The following RABGAP1L variants were observed in gnomAD, a reference collection of about 807,000 sequenced individuals.
RABGAP1L encodes RAB GTPase activating protein 1 like.
Under a neutral mutation model 137.7 loss-of-function variants are expected in RABGAP1L, and 63 were observed. That is an observed-to-expected ratio of 0.46 (90% CI 0.37 to 0.56). The LOEUF is 0.56. RABGAP1L is among the 20% of genes least tolerant of loss of function. The pLI is 0.00. For missense variants in RABGAP1L, 1,095 were observed against 1,244.0 expected (o/e 0.88, Z 1.80); for synonymous variants, 431 against 433.7 (o/e 0.99, Z 0.08).
At chr1:174,749,199 A>G (rs1684136596) in intron 17 of RABGAP1L, among the ~76,000 whole-genome samples, 1 of 152,078 alleles carries the variant, frequency 6.6e-6, no homozygotes, top group African/African-American at 2.4e-5. Context: ...AGAAAAAAGA[A>G]AAGACATCAG....
intron 18 of RABGAP1L, among the ~76,000 whole-genome samples, chr1:174,765,929 TC>T (rs1558057320): frequency 1.3e-5 from 2 of 152,144 alleles, no homozygotes. Flanking sequence ...GAATCGTGTT[TC>T]CCCCCTACCC....
At chr1:174,824,015 C>T (rs1691311963) in intron 19 of RABGAP1L, among the ~76,000 whole-genome samples, 2 of 152,042 alleles carry the variant, frequency 1.3e-5, no homozygotes, top group Admixed American at 6.6e-5. Flanking sequence ...TTAGGCCAGG[C>T]GCAGTGGCTC....
chr1:174,519,773 T>C (rs1233955545), intron 13 of RABGAP1L, among the ~76,000 whole-genome samples: 1 of 152,218 alleles, frequency 6.6e-6, no homozygotes, highest in African/African-American at 2.4e-5. Flanking sequence ...GTGCGTAGGT[T>C]CTTTACATTT....
intron 12 of RABGAP1L, among the ~76,000 whole-genome samples, chr1:174,388,455 T>G (rs561804229): frequency 1.3e-5 from 2 of 151,656 alleles, no homozygotes; most frequent in Non-Finnish European, 3.0e-5. Flanking sequence ...TTGAAATAAC[T>G]ACATGAAAAA....
At chr1:174,283,451 G>C (rs2148694415) in intron 10 of RABGAP1L, among the ~76,000 whole-genome samples, 1 of 151,650 alleles carries the variant, frequency 6.6e-6, no homozygotes, top group East Asian at 1.9e-4. Flanking sequence ...CCCAGATTTT[G>C]ACTGAGAATG....
intron 19 of RABGAP1L, among the ~76,000 whole-genome samples, chr1:174,851,191 A>G (rs1648266528): frequency 6.6e-6 from 1 of 152,212 alleles, no homozygotes; most frequent in Admixed American, 6.5e-5. Context: ...AATATGTTAT[A>G]TAGGAGTAGA....
intron 19 of RABGAP1L, among the ~76,000 whole-genome samples, chr1:174,887,446 C>CTGGTAA (rs1181346813): frequency 2.0e-5 from 3 of 152,128 alleles, no homozygotes; most frequent in Non-Finnish European, 4.4e-5. Flanking sequence ...CAGTCTTTTA[C>CTGGTAA]CATTATTCAT....
At chr1:174,374,624 A>C (rs1209126914) in intron 12 of RABGAP1L, among the ~76,000 whole-genome samples, 1 of 152,216 alleles carries the variant, frequency 6.6e-6, no homozygotes, top group Non-Finnish European at 1.5e-5. Context: ...ACTTGATAAG[A>C]TCTATCGGAG....
intron 9 of RABGAP1L, among the ~76,000 whole-genome samples, chr1:174,277,921 T>C (rs773603366): frequency 9.2e-5 from 14 of 152,214 alleles, no homozygotes; most frequent in Non-Finnish European, 1.8e-4. Context: ...TGAGAAGTAG[T>C]TGATGAATCT....
rs1476182703 is a variant in RABGAP1L, at chr1:174,551,017, T to TACAC, written c.1711-86357_1711-86356insCACA. ...ATATACACATATATATATATATATA[T>TACAC]ATATACATACACACACACACATATA... On this transcript the variant is annotated intron_variant, in intron 13 of 25. Coordinates refer to ENST00000681986, the MANE Select transcript of RABGAP1L (RefSeq NM_001366446.1). Among the ~76,000 whole-genome samples, 76 of 114,180 alleles carry TACAC rather than the reference T, an allele frequency of 6.7e-4. 1 individual carries two copies. The Middle Eastern group carries it at 0.014, about 21-fold the overall frequency. The allele number at this position is 114,180 out of a possible 152,430, so 74.9% of individuals were successfully genotyped here.
chr1:174,515,731 T>A (rs1662765333), intron 13 of RABGAP1L, among the ~76,000 whole-genome samples: 1 of 152,192 alleles, frequency 6.6e-6, no homozygotes, highest in Non-Finnish European at 1.5e-5. Flanking sequence ...GGTATTGAAG[T>A]GCTCTCTGCA....
At chr1:174,166,036 T>C (rs952633984) in intron 1 of RABGAP1L, among the ~76,000 whole-genome samples, 2 of 152,226 alleles carry the variant, frequency 1.3e-5, no homozygotes, top group African/African-American at 2.4e-5. Context: ...TTTTTGACTC[T>C]GGAGTAATCT....
chr1:174,352,101 C>G (rs183862262), intron 11 of RABGAP1L, among the ~76,000 whole-genome samples: 3 of 152,296 alleles, frequency 2.0e-5, no homozygotes, highest in Non-Finnish European at 2.9e-5. Flanking sequence ...AGCCACCACG[C>G]CCGGCCGGGA....
chr1:174,818,434 G>A (rs1558111987), intron 19 of RABGAP1L, among the ~76,000 whole-genome samples: 5 of 152,182 alleles, frequency 3.3e-5, no homozygotes, highest in Admixed American at 3.3e-4. Context: ...ATCCTTAATG[G>A]TCTTAATGAA....
intron 13 of RABGAP1L, among the ~76,000 whole-genome samples, chr1:174,527,048 A>G (rs1356830318): frequency 6.6e-6 from 1 of 152,098 alleles, no homozygotes; most frequent in African/African-American, 2.4e-5. Flanking sequence ...CTTGCAAGAA[A>G]TATTTGTATT....
intron 11 of RABGAP1L, chr1:174,365,145 G>A (rs773825601): frequency 8.5e-5 from 13 of 152,234 alleles, no homozygotes; most frequent in Non-Finnish European, 1.8e-4. Context: ...TGGTGACTTC[G>A]TCCTTTGTTA....
chr1:174,319,990 C>T (rs1242708290), intron 11 of RABGAP1L, among the ~76,000 whole-genome samples: 1 of 152,086 alleles, frequency 6.6e-6, no homozygotes, highest in East Asian at 1.9e-4. Context: ...AAGTCCCTGC[C>T]TTCAGCTTGC....
intron 19 of RABGAP1L, chr1:174,892,832 C>G (rs576681073): frequency 3.6e-6 from 1 of 274,982 alleles, no homozygotes. Context: ...CAGGTTCAAG[C>G]GATTCTCCTG....
chr1:174,976,014 C>T (rs902795466), intron 21 of RABGAP1L, 64 bp from the exon 22 acceptor site: 2 of 1,401,922 alleles, frequency 1.4e-6, no homozygotes, highest in African/African-American at 1.4e-5. Flanking sequence ...GAGAAGATTT[C>T]CACACACTTT....
Sources: allele counts gnomAD v4.1 joint callset (sites outside exome capture counted in the v4.1 genomes callset), GRCh38; gene constraint gnomAD v4.1.1; transcripts MANE v1.5; gene names NCBI Gene and HGNC (gene_info 2026-07-23, HGNC 2026-07-21).